TBL1XR1: variants seen among roughly 807,000 people sequenced by gnomAD.
TBL1XR1 encodes the protein F-box-like/WD repeat-containing protein TBL1XR1.
In TBL1XR1, 5 loss-of-function variants were observed where a neutral mutation model predicts 66.9. That is an observed-to-expected ratio of 0.07 (90% CI 0.04 to 0.16). The LOEUF (loss-of-function observed/expected upper bound fraction) is 0.16, where lower values mean the gene tolerates loss of function less well. Ranked by LOEUF, TBL1XR1 falls within the 10% of genes least tolerant of loss-of-function variation. The pLI, the probability that TBL1XR1 is intolerant of heterozygous loss-of-function variation, is 1.00. For missense variants in TBL1XR1, 238 were observed against 623.2 expected, an observed-to-expected ratio of 0.38 and a Z score of 6.58; for synonymous variants, 210 against 206.0, an observed-to-expected ratio of 1.02 and a Z score of -0.17.
intron 3 of TBL1XR1, among the ~76,000 whole-genome samples, chr3:177,055,404 T>A (rs1717668897): frequency 6.6e-6 from 1 of 152,116 alleles, no homozygotes; most frequent in South Asian, 2.1e-4. Context: ...TAACCCACAG[T>A]GGAAAAGGCA....
chr3:177,057,645 T>C (rs945095815), intron 3 of TBL1XR1, among the ~76,000 whole-genome samples: 3 of 152,216 alleles, frequency 2.0e-5, no homozygotes, highest in African/African-American at 7.2e-5. Context: ...AAAAGGCTTT[T>C]TCCAGGGACA....
chr3:177,127,884 A>G (rs1261493072), intron 1 of TBL1XR1, among the ~76,000 whole-genome samples: 2 of 152,216 alleles, frequency 1.3e-5, no homozygotes, highest in South Asian at 2.1e-4. Flanking sequence ...TGGTCAAGAT[A>G]TTAAAAACAT....
intron 1 of TBL1XR1, among the ~76,000 whole-genome samples, chr3:177,190,184 A>G (rs1423412565): frequency 2.0e-5 from 3 of 150,434 alleles, no homozygotes; most frequent in Non-Finnish European, 4.4e-5. Flanking sequence ...CTTAAGCATC[A>G]TTATACCTAA....
intron 1 of TBL1XR1, among the ~76,000 whole-genome samples, chr3:177,185,902 T>C (rs1011596121): frequency 6.6e-6 from 1 of 152,024 alleles, no homozygotes; most frequent in Non-Finnish European, 1.5e-5. Flanking sequence ...TCCTACCTAC[T>C]CAGGAGGCTG....
At chr3:177,140,273 C>G (rs955828657) in intron 1 of TBL1XR1, among the ~76,000 whole-genome samples, 3 of 152,186 alleles carry the variant, frequency 2.0e-5, no homozygotes, top group Admixed American at 6.5e-5. Flanking sequence ...GCACTCCAGC[C>G]TGGGTGACGG....
intron 1 of TBL1XR1, among the ~76,000 whole-genome samples, chr3:177,101,581 G>C (rs73039646): frequency 5.0e-4 from 76 of 152,294 alleles, no homozygotes; most frequent in African/African-American, 1.8e-3. Flanking sequence ...GAGCTGACTC[G>C]CTCTTGCCTT....
chr3:177,035,413 ATTTTTTTT>A (rs71798306), intron 12 of TBL1XR1, among the ~76,000 whole-genome samples: 1 of 130,802 alleles, frequency 7.6e-6, no homozygotes, highest in Non-Finnish European at 1.6e-5. Flanking sequence ...CCCTGCCCCA[ATTTTTTTT>A]TTTTTTTTTT....
At chr3:177,110,129 C>CA (rs1287200586) in intron 1 of TBL1XR1, among the ~76,000 whole-genome samples, 20 of 152,138 alleles carry the variant, frequency 1.3e-4, no homozygotes, top group African/African-American at 4.6e-4. Flanking sequence ...GTTGTATATG[C>CA]AGGCCATGAT....
chr3:177,112,107 A>ATTTTTT lies in TBL1XR1; in HGVS notation c.-121-13572_-121-13567dup, dbSNP rs71170852. ...TATATATATATATATATATATATATATTTTTTTTTTTTTTTTTTGTGAGGG... is the reference window on the plus strand; with the variant it reads ...TATATATATATATATATATATATATATTTTTTTTTTTTTTTTTTTTTTTTGTGAGGG... On this transcript the variant is annotated intron_variant, in intron 1 of 15. Coordinates refer to ENST00000457928, the MANE Select transcript of TBL1XR1 (RefSeq NM_024665.7). Among the ~76,000 whole-genome samples, 14 of 37,648 alleles carry ATTTTTT rather than the reference A, an allele frequency of 3.7e-4. 1 individual carries two copies. Among genetic ancestry groups the ATTTTTT allele is most frequent in the African/African-American group, 6.4e-4 (5 of 7,840 alleles). 24.7% of individuals were successfully genotyped at this position (37,648 alleles called of 152,430 possible).
intron 1 of TBL1XR1, among the ~76,000 whole-genome samples, chr3:177,110,127 T>C (rs1013538873): frequency 1.3e-5 from 2 of 152,328 alleles, no homozygotes; most frequent in Middle Eastern, 3.4e-3. Flanking sequence ...ATGTTGTATA[T>C]GCAGGCCATG....
rs1433830262 is a variant in TBL1XR1 at position 177,156,393 on chromosome 3, G to A, written c.-122+40728C>T. On this transcript the variant is annotated intron_variant, in intron 1 of 15. Coordinates refer to ENST00000457928, the MANE Select transcript of TBL1XR1 (RefSeq NM_024665.7). ...GGGCGCCTGTAATCCCAGCTACTCG[G>A]GAGGCTGAGGCAGGAGAATCCCTTG... Among the ~76,000 whole-genome samples the A allele has an allele frequency of 1.3e-5, 2 of 151,480 alleles. 1 individual carries two copies.
intron 1 of TBL1XR1, among the ~76,000 whole-genome samples, chr3:177,114,495 C>T (rs1046220785): frequency 5.3e-5 from 8 of 151,866 alleles, no homozygotes; most frequent in Non-Finnish European, 1.0e-4. Flanking sequence ...GAGACGGGCC[C>T]TCACACTGTT....
chr3:177,073,877 T>C (rs1216241997), intron 2 of TBL1XR1, among the ~76,000 whole-genome samples: 1 of 152,230 alleles, frequency 6.6e-6, no homozygotes, highest in Non-Finnish European at 1.5e-5. Flanking sequence ...ATCACTTGTA[T>C]TGTAGAAGGT....
chr3:177,124,743 A>G (rs1180557502), intron 1 of TBL1XR1, among the ~76,000 whole-genome samples: 2 of 152,170 alleles, frequency 1.3e-5, no homozygotes, highest in Non-Finnish European at 2.9e-5. Flanking sequence ...CTCTTAATTG[A>G]CAATGCAATG....
At chr3:177,117,516 T>C (rs1055032665) in intron 1 of TBL1XR1, among the ~76,000 whole-genome samples, 19 of 152,174 alleles carry the variant, frequency 1.2e-4, no homozygotes, top group Non-Finnish European at 2.1e-4. Context: ...AAAACAGTCA[T>C]AGAAAATACC....
At position 177,197,331 on chromosome 3, in the gene TBL1XR1, G is replaced by A. The variant is rs1001046486; in HGVS notation, c.-332C>T. 1 of 146,756 alleles carries A rather than the reference G, an allele frequency of 6.8e-6. No individual in the cohort carries two copies. Among genetic ancestry groups the A allele is most frequent in the Non-Finnish European group, 1.5e-5 (1 of 65,704 alleles). The allele number at this position is 146,756 out of a possible 1,614,324, so 9.1% of individuals were successfully genotyped here. On this transcript the variant is annotated 5_prime_UTR_variant, in exon 1 of 16. Transcript: ENST00000457928. ...GGGAGCGCGGCGCGGGTCCCCAGGT[G>A]GCGAGCGGAGGTGCTCCCGCCGCGG... is the stretch of plus-strand genomic sequence containing the variant.
At chr3:177,027,622 G>A (rs56887605) in intron 14 of TBL1XR1, 50,490 of 151,664 alleles carry the variant, frequency 0.33, 8,781 homozygotes, top group East Asian at 0.58. Flanking sequence ...CTACTTAAAA[G>A]CACATGGCAA....
chr3:177,047,709 T>C, intron 7 of TBL1XR1, 160 bp from the exon 8 acceptor site: 1 of 683,606 alleles, frequency 1.5e-6, no homozygotes. Flanking sequence ...ACTAAAGGCC[T>C]ATGAAACCCT....
intron 1 of TBL1XR1, among the ~76,000 whole-genome samples, chr3:177,124,594 C>T (rs1156618645): frequency 6.6e-6 from 1 of 152,032 alleles, no homozygotes; most frequent in Non-Finnish European, 1.5e-5. Flanking sequence ...GGCCTTTCTC[C>T]CATTCTCTCA....
Sources: gnomAD v4.1 joint callset for allele counts (sites outside exome capture counted in the v4.1 genomes callset) on GRCh38, gnomAD v4.1.1 for gene constraint, MANE v1.5 for transcripts, NCBI Gene and HGNC (gene_info 2026-07-23, HGNC 2026-07-21) for gene names.